The following PPFIA2 variants were observed in gnomAD, a reference collection of about 807,000 sequenced individuals.
The protein encoded by PPFIA2 is PPFI scaffold protein A2, also known as liprin-alpha-2.
Under a neutral mutation model 175.5 loss-of-function variants are expected in PPFIA2, and 46 were observed. The observed-to-expected ratio is 0.26, with a 90% CI of 0.21 to 0.34. PPFIA2 has a LOEUF of 0.34. PPFIA2 is among the 10% of genes least tolerant of loss of function. The probability of loss-of-function intolerance (pLI) is 1.00; values close to 1 mark genes in which losing one functional copy is unlikely to be tolerated. For synonymous variants in PPFIA2, 568 were observed against 511.4 expected (o/e 1.11, Z -1.49); for missense variants, 1,179 against 1,506.1 (o/e 0.78, Z 3.60).
At chr12:81,267,621 G>A (rs1211536017) in intron 29 of PPFIA2, among the ~76,000 whole-genome samples, 1 of 152,028 alleles carries the variant, frequency 6.6e-6, no homozygotes, top group Non-Finnish European at 1.5e-5. Context: ...TCTCAGAGAG[G>A]CAGAGACTGA....
At chr12:81,463,682 T>C (rs2055064756) in intron 4 of PPFIA2, among the ~76,000 whole-genome samples, 1 of 152,146 alleles carries the variant, frequency 6.6e-6, no homozygotes, top group East Asian at 1.9e-4. Context: ...GCTGGGAAGA[T>C]GACAAGCAAA....
intron 4 of PPFIA2, among the ~76,000 whole-genome samples, chr12:81,488,597 AT>A (rs2059099016): frequency 6.6e-6 from 1 of 151,646 alleles, no homozygotes; most frequent in African/African-American, 2.4e-5. Flanking sequence ...GATTTTACTA[AT>A]TTTGCATTGT....
At chr12:81,318,030 C>T (rs1217558442) in intron 22 of PPFIA2, among the ~76,000 whole-genome samples, 3 of 151,742 alleles carry the variant, frequency 2.0e-5, no homozygotes, top group African/African-American at 4.8e-5. Context: ...AATTCTCCTA[C>T]AGTCAGCTCA....
intron 8 of PPFIA2, among the ~76,000 whole-genome samples, chr12:81,401,495 T>C (rs1197823079): frequency 1.3e-5 from 2 of 152,176 alleles, no homozygotes; most frequent in East Asian, 1.9e-4. Context: ...TGAGGATTAA[T>C]TAACCTTGTT....
intron 7 of PPFIA2, among the ~76,000 whole-genome samples, chr12:81,412,651 A>T (rs1172242536): frequency 6.6e-6 from 1 of 151,938 alleles, no homozygotes; most frequent in African/African-American, 2.4e-5. Context: ...CTGAGGATGA[A>T]TCCTGGCCCA....
intron 3 of PPFIA2, among the ~76,000 whole-genome samples, chr12:81,706,188 C>T (rs947260878): frequency 3.9e-5 from 6 of 152,036 alleles, no homozygotes; most frequent in African/African-American, 4.8e-5. Context: ...TTGTCCAATA[C>T]GGAGTTTGCA....
chr12:81,605,961 C>T (rs549828222), intron 4 of PPFIA2, among the ~76,000 whole-genome samples: 1 of 151,918 alleles, frequency 6.6e-6, no homozygotes, highest in East Asian at 1.9e-4. Context: ...TCAACCCACG[C>T]TACACTCCAT....
chr12:81,688,302 T>C (rs1751969917), intron 3 of PPFIA2, among the ~76,000 whole-genome samples: 1 of 151,904 alleles, frequency 6.6e-6, no homozygotes, highest in Non-Finnish European at 1.5e-5. Context: ...AAGCTTTAAG[T>C]AGGTTAGAAA....
chr12:81,283,287 G>C (rs937053946), intron 25 of PPFIA2, among the ~76,000 whole-genome samples: 1 of 151,888 alleles, frequency 6.6e-6, no homozygotes, highest in Admixed American at 6.6e-5. Context: ...GTGAACATTT[G>C]ATTTGGTCAT....
chr12:81,579,350 T>G (rs2153425515), intron 4 of PPFIA2, among the ~76,000 whole-genome samples: 1 of 151,972 alleles, frequency 6.6e-6, no homozygotes, highest in African/African-American at 2.4e-5. Flanking sequence ...TTTAAAAAAC[T>G]AATCACATTT....
chr12:81,622,795 C>T (rs1453110907), intron 4 of PPFIA2, among the ~76,000 whole-genome samples: 1 of 152,076 alleles, frequency 6.6e-6, no homozygotes, highest in Non-Finnish European at 1.5e-5. Flanking sequence ...GCCCCTACCC[C>T]TCAGATTAAA....
intron 4 of PPFIA2, among the ~76,000 whole-genome samples, chr12:81,540,424 T>C (rs1453648295): frequency 6.6e-6 from 1 of 152,026 alleles, no homozygotes; most frequent in African/African-American, 2.4e-5. Flanking sequence ...ATATTCCCTG[T>C]AAACTTACCA....
Position 81,353,313 on chromosome 12 carries a change from C to A in PPFIA2, c.1800G>T (p.Trp600Cys). 6.2e-7 allele frequency: 1 copy of A among 1,613,266 alleles called. No homozygotes were observed. The highest frequency in any genetic ancestry group is 1.1e-5 in the South Asian group (1 of 91,056). ...PKVKSLGDHE[W>C]NRTQQIGVLS... is the part of the protein sequence containing the mutation. ...GTACTCCAATCTGTTGAGTTCTATT[C>A]CACTCGTGATCCCCAAGAGATTTCA... Residue 600 changes from tryptophan to cysteine, a missense_variant, in exon 17 of 33, where the codon TGG becomes TGT. Coordinates refer to ENST00000549396, the MANE Select transcript of PPFIA2 (RefSeq NM_003625.5).
At chr12:81,585,021 ATATATTAATTATATTTATATATAATATAT>A (rs1180917903) in intron 4 of PPFIA2, among the ~76,000 whole-genome samples, 7 of 95,158 alleles carry the variant, frequency 7.4e-5, no homozygotes, top group Non-Finnish European at 1.5e-4. Flanking sequence ...TTTATATATA[ATATATTAATTATATTTATATATAATATAT>A]TATATAATTA....
chr12:81,688,388 T>C (rs1324070627), intron 3 of PPFIA2, among the ~76,000 whole-genome samples: 1 of 151,912 alleles, frequency 6.6e-6, no homozygotes, highest in Non-Finnish European at 1.5e-5. Flanking sequence ...ATACACATAA[T>C]TTATGGGAGA....
Position 81,676,792 on chromosome 12 carries a change from G to T in PPFIA2, c.302C>A (p.Pro101Gln). 1 of 1,553,280 alleles carries T rather than the reference G, an allele frequency of 6.4e-7. No homozygotes were observed. The highest frequency in any genetic ancestry group is 8.7e-7 in the Non-Finnish European group (1 of 1,149,064). ...GLAGSKGADP[P>Q]EFAALTKELN... is the part of the protein sequence containing the mutation. ...AATTTAATGAAGAATCTAACTTACC[G>T]GTGGATCAGCCCCCTTAGAACCAGC... Residue 101 changes from proline (P) to glutamine (Q), a missense_variant and splice_region_variant, in exon 4 of 33, where the codon CCG (proline) becomes CAG (glutamine). Around this residue, in one of 10 missense-constraint regions of PPFIA2, gnomAD observed 128 missense variants for 141.4 expected, o/e 0.91. Transcript: ENST00000549396.
intron 4 of PPFIA2, among the ~76,000 whole-genome samples, chr12:81,586,708 C>A (rs1172355278): frequency 6.6e-6 from 1 of 151,558 alleles, no homozygotes; most frequent in Non-Finnish European, 1.5e-5. Flanking sequence ...ATTATATAAG[C>A]ACAAAATAAT....
chr12:81,518,686 T>C (rs560575129), intron 4 of PPFIA2, among the ~76,000 whole-genome samples: 1 of 152,296 alleles, frequency 6.6e-6, no homozygotes, highest in Non-Finnish European at 1.5e-5. Context: ...TTTCCCTGCC[T>C]TATCATTTTT....
At chr12:81,535,424 T>C (rs757354594) in intron 4 of PPFIA2, 3 of 455,496 alleles carry the variant, frequency 6.6e-6, no homozygotes, top group South Asian at 1.6e-5. Context: ...GTACCCACCA[T>C]ATCTCAGTGG....
Sources: allele counts gnomAD v4.1 joint callset (sites outside exome capture counted in the v4.1 genomes callset), GRCh38; gene constraint gnomAD v4.1.1; regional missense constraint gnomAD v4.1.1; transcripts MANE v1.5; gene names NCBI Gene and HGNC (gene_info 2026-07-23, HGNC 2026-07-21).